Variants in VPS53 observed in about 807,000 individuals in gnomAD.
VPS53 encodes the protein vacuolar protein sorting-associated protein 53 homolog.
Under a neutral mutation model 107.0 loss-of-function variants are expected in VPS53, and 70 were observed. That is an observed-to-expected ratio of 0.65 (90% CI 0.54 to 0.80). The LOEUF (loss-of-function observed/expected upper bound fraction) is 0.80, where lower values mean the gene tolerates loss of function less well. VPS53 is among the 30% of genes least tolerant of loss of function. The pLI, the probability that VPS53 is intolerant of heterozygous loss-of-function variation, is 0.00. For synonymous variants in VPS53, 409 were observed against 393.3 expected (o/e 1.04, Z -0.47); for missense variants, 917 against 1,049.4 (o/e 0.87, Z 1.74).
intron 5 of VPS53, among the ~76,000 whole-genome samples, chr17:656,392 G>A (rs1368405042): frequency 6.6e-6 from 1 of 152,134 alleles, no homozygotes. Flanking sequence ...ATGAGGGCCT[G>A]AGCTTCCAGC....
intron 13 of VPS53, among the ~76,000 whole-genome samples, chr17:579,422 C>G (rs983026684): frequency 1.3e-5 from 2 of 151,556 alleles, no homozygotes; most frequent in African/African-American, 2.4e-5. Flanking sequence ...CCCTCAGGAC[C>G]TAATGTGGTC....
In VPS53 at chr17:623,615, A is replaced by G. The variant is rs1969563334; in HGVS notation, c.1034T>C (p.Leu345Pro). 1 of 1,614,012 alleles carries G rather than the reference A, an allele frequency of 6.2e-7. No individual in the cohort carries two copies. Among genetic ancestry groups the G allele is most frequent in the Admixed American group, 1.7e-5 (1 of 60,010 alleles). The change falls in exon 11 of 22, where the codon CTT becomes CCT. Residue 345 changes from leucine (L) to proline (P), a missense_variant. By Grantham distance (98) the Leu-to-Pro change is moderately conservative (BLOSUM62 -3). Transcript: ENST00000437048. ...RAKEIEVKLL[L>P]FAIQRTTNFE... is the part of the protein sequence containing the mutation. ...GTTAGTTGTTCTTTGAATAGCAAAA[A>G]GAAGCAATTTCACTTCAATTTCCTT...
chr17:611,084 G>A (rs768668159), intron 11 of VPS53, among the ~76,000 whole-genome samples: 1 of 151,928 alleles, frequency 6.6e-6, no homozygotes, highest in Non-Finnish European at 1.5e-5. Context: ...CGCAATCTCA[G>A]CTCACTGAAA....
chr17:703,986 G>A (rs1973308793), intron 2 of VPS53, among the ~76,000 whole-genome samples: 2 of 150,918 alleles, frequency 1.3e-5, no homozygotes, highest in South Asian at 4.2e-4. Context: ...TGGATCTTGG[G>A]TTTTTTTTTC....
intron 4 of VPS53, among the ~76,000 whole-genome samples, chr17:680,625 G>A (rs770288756): frequency 1.4e-4 from 21 of 152,192 alleles, no homozygotes; most frequent in Non-Finnish European, 2.1e-4. Flanking sequence ...CCAAGATTGT[G>A]AAGATCTCTC....
In VPS53 at chr17:714,813, G is replaced by A. The variant is rs1597527430; in HGVS notation, c.-104C>T. ...AACTCCCTCGCGGCAGCGACCTGGT[G>A]AGCCCGGCTCCGTCAGCCGCTCTGT... On this transcript the variant is annotated 5_prime_UTR_variant, in exon 1 of 22. Coordinates refer to ENST00000437048, the MANE Select transcript of VPS53 (RefSeq NM_001128159.3). 30 of 1,314,406 alleles carry A rather than the reference G, an allele frequency of 2.3e-5. 1 individual carries two copies. The East Asian group carries it at 6.8e-4, about 30-fold the overall frequency. 81.4% of individuals were successfully genotyped at this position (1,314,406 alleles called of 1,614,324 possible).
At position 521,639 on chromosome 17, in the gene VPS53, C is replaced by T. The variant is rs755970503; in HGVS notation, c.2185G>A (p.Val729Ile). ...RKAPASYTKI[V>I]VKGMTRAEMI... ...TCAGCCCGGGTCATGCCTTTGACAA[C>T]GATCTTGGTGTAGCTGGCGGGTGCC... The change falls in exon 20 of 22, where the codon GTT (valine) becomes ATT (isoleucine). Residue 729 changes from valine to isoleucine, a missense_variant. Val to Ile is a conservative substitution (Grantham distance 29). Transcript: ENST00000437048. The T allele has an allele frequency of 1.1e-5, 17 of 1,550,916 alleles. No individual in the cohort carries two copies. Among genetic ancestry groups the T allele is most frequent in the African/African-American group, 5.5e-5 (4 of 72,994 alleles).
chr17:673,701 A>T (rs417171), intron 4 of VPS53: 1 of 152,134 alleles, frequency 6.6e-6, no homozygotes, highest in Non-Finnish European at 1.5e-5. Context: ...AACCTGGAGT[A>T]TAAGAAGGCT....
At position 520,035 on chromosome 17, in the gene VPS53, C is replaced by A. The variant is rs141812393; in HGVS notation, c.2224-105G>T. ...ACTCACTACCCACCGCAGGAGGAGA[C>A]GGGAGCGGGCCCTTCAGGAAAACTC... On this transcript the variant is annotated intron_variant, in intron 20 of 21. Transcript: ENST00000437048. The surrounding 1 kb of genome is among the most constrained non-coding windows in gnomAD (Gnocchi z 4.4). 56 of 737,504 alleles carry A rather than the reference C, an allele frequency of 7.6e-5. No individual in the cohort carries two copies. In the East Asian group the frequency reaches 1.2e-3, roughly 16 times the overall value. The allele number at this position is 737,504 out of a possible 1,614,324, so 45.7% of individuals were successfully genotyped here. A position where few individuals can be genotyped will look rare whatever the true frequency, so the allele number is the denominator to read the frequency against.
chr17:604,814 AC>A, intron 11 of VPS53, among the ~76,000 whole-genome samples: 1 of 152,286 alleles, frequency 6.6e-6, no homozygotes, highest in Admixed American at 6.5e-5. Context: ...CATGCATTCC[AC>A]ATGTGGACCA....
At chr17:628,451 T>G (rs1969811419) in intron 8 of VPS53, among the ~76,000 whole-genome samples, 1 of 152,196 alleles carries the variant, frequency 6.6e-6, no homozygotes, top group African/African-American at 2.4e-5. Flanking sequence ...AACTACCCTG[T>G]GAATCTGCAA....
chr17:644,270 T>C (rs531606340), intron 7 of VPS53, among the ~76,000 whole-genome samples: 1 of 152,346 alleles, frequency 6.6e-6, no homozygotes, highest in Admixed American at 6.5e-5. Flanking sequence ...CAGGCAAAGA[T>C]TTCAGAACAC....
intron 1 of VPS53, 125 bp downstream of exon 1, chr17:714,498 C>T: frequency 4.6e-6 from 4 of 872,100 alleles, no homozygotes; most frequent in African/African-American, 1.7e-5. Flanking sequence ...ACCTCCCCAC[C>T]TCCACTTTCC....
Position 517,548 on chromosome 17 carries a change from C to G in VPS53, c.*1580G>C, listed in dbSNP as rs749486223. ...TCCTGAAAACTTTTTGAGAAGGGGTCTTGCTCTGTCACCCAGGCTGGAGTG... is the reference window on the plus strand; with the variant it reads ...TCCTGAAAACTTTTTGAGAAGGGGTGTTGCTCTGTCACCCAGGCTGGAGTG... On this transcript the variant is annotated 3_prime_UTR_variant, in exon 22 of 22. Transcript: ENST00000437048. 71 of 397,620 alleles carry G rather than the reference C, an allele frequency of 1.8e-4. No individual in the cohort carries two copies. The highest frequency in any genetic ancestry group is 1.8e-4 in the Admixed American group (4 of 22,686). 24.6% of individuals were successfully genotyped at this position (397,620 alleles called of 1,614,324 possible). A position where few individuals can be genotyped will look rare whatever the true frequency, so the allele number is the denominator to read the frequency against.
rs752615874 is a variant in VPS53 at position 586,269 on chromosome 17, C to T, written c.1313+1G>A. The T allele has an allele frequency of 6.2e-7, 1 of 1,613,594 alleles. No homozygotes were observed. Among genetic ancestry groups the T allele is most frequent in the South Asian group, 1.1e-5 (1 of 91,048 alleles). ...GAAAACAGCGAATGTTCCTCACTCA[C>T]TTGTCTTGGGATTCGATATACACGT... On this transcript the variant is annotated splice_donor_variant, in intron 13 of 21. Coordinates refer to ENST00000437048, the MANE Select transcript of VPS53 (RefSeq NM_001128159.3). LOFTEE classifies it high-confidence loss of function.
intron 4 of VPS53, among the ~76,000 whole-genome samples, chr17:662,332 G>A (rs1311284092): frequency 6.6e-6 from 1 of 152,140 alleles, no homozygotes. Context: ...GGGGACTCCA[G>A]AACTGCAACA....
chr17:586,518 G>A (rs1967327623), intron 12 of VPS53, among the ~76,000 whole-genome samples, 154 bp from the exon 13 acceptor site: 1 of 152,144 alleles, frequency 6.6e-6, no homozygotes. Context: ...ATTCACCCTG[G>A]CAGGTGAAGA....
Position 619,278 on chromosome 17 carries a change from A to C in VPS53, c.1116+4255T>G, listed in dbSNP as rs1377007310. The stretch of plus-strand genomic sequence containing the variant: ...GCTAGGACTACACGTGTGCACCACC[A>C]CACCTGCTAATATTTTCCGGGTAGC... On this transcript the variant is annotated intron_variant, in intron 11 of 21. Coordinates refer to ENST00000437048, the MANE Select transcript of VPS53 (RefSeq NM_001128159.3). Among the ~76,000 whole-genome samples the C allele has an allele frequency of 3.6e-5, 5 of 139,482 alleles. No homozygotes were observed. The East Asian group carries it at 1.1e-3, about 30-fold the overall frequency. 91.5% of individuals were successfully genotyped at this position (139,482 alleles called of 152,430 possible).
intron 4 of VPS53, among the ~76,000 whole-genome samples, chr17:662,760 A>C (rs932994451): frequency 1.4e-5 from 2 of 145,058 alleles, no homozygotes; most frequent in African/African-American, 4.9e-5. Flanking sequence ...AGAGAAAGAA[A>C]GAAAGAAAGA....
Sources: allele counts gnomAD v4.1 joint callset (sites outside exome capture counted in the v4.1 genomes callset), GRCh38; gene constraint gnomAD v4.1.1; non-coding constraint Gnocchi (gnomAD v3.1); transcripts MANE v1.5; gene names NCBI Gene and HGNC (gene_info 2026-07-23, HGNC 2026-07-21).